The following CSMD1 variants were observed in gnomAD, a reference collection of about 807,000 sequenced individuals.
CSMD1 encodes CUB and sushi domain-containing protein 1.
Under a neutral mutation model 417.5 loss-of-function variants are expected in CSMD1, and 213 were observed. The ratio of observed to expected loss-of-function variants is 0.51; its 90% CI spans 0.46 to 0.57. The LOEUF (loss-of-function observed/expected upper bound fraction) is 0.57. Among genes scored for constraint, CSMD1 ranks in the 20% least tolerant of loss-of-function variants. The pLI is 0.00. For missense variants in CSMD1, 6,923 were observed against 4,529.7 expected (o/e 1.53, Z -15.17); for synonymous variants, 2,862 against 1,736.8 (o/e 1.65, Z -16.11).
At chr8:3,211,037 C>T (rs1446906303) in intron 30 of CSMD1, among the ~76,000 whole-genome samples, 1 of 152,038 alleles carries the variant, frequency 6.6e-6, no homozygotes, top group East Asian at 1.9e-4. Context: ...AGAATTTTTA[C>T]CCAAAATTAC....
rs1363904307 is a variant in CSMD1, at chr8:3,929,543, TTGTC to T, written c.818+68356_818+68359del. Among the ~76,000 whole-genome samples, 2 of 150,504 alleles carry T rather than the reference TTGTC, an allele frequency of 1.3e-5. 1 individual carries two copies. The highest frequency in any genetic ancestry group is 4.9e-5 in the African/African-American group (2 of 40,804). ...TCAACGTCCATTGGCAGGAACTGGGTTGTCTGTCTATTCTGATGGAATGATTTCA... is the reference window on the plus strand; with the variant it reads ...TCAACGTCCATTGGCAGGAACTGGGTTGTCTATTCTGATGGAATGATTTCA... On this transcript the variant is annotated intron_variant, in intron 5 of 69. Transcript: ENST00000635120.
chr8:3,703,488 A>G (rs1461160924), intron 7 of CSMD1, among the ~76,000 whole-genome samples: 1 of 150,334 alleles, frequency 6.7e-6, no homozygotes, highest in African/African-American at 2.5e-5. Flanking sequence ...TCATCAGTAG[A>G]TACTGGTTGT....
chr8:3,897,462 T>C (rs759747966), intron 5 of CSMD1, among the ~76,000 whole-genome samples: 3 of 152,168 alleles, frequency 2.0e-5, no homozygotes, highest in Non-Finnish European at 2.9e-5. Flanking sequence ...AAGTCATGCA[T>C]ATATAAACTA....
At chr8:3,196,318 C>G (rs895851725) in intron 33 of CSMD1, among the ~76,000 whole-genome samples, 1 of 152,126 alleles carries the variant, frequency 6.6e-6, no homozygotes, top group African/African-American at 2.4e-5. Context: ...TAATCCATCC[C>G]TCATTTAGCA....
intron 5 of CSMD1, among the ~76,000 whole-genome samples, chr8:3,764,003 A>C (rs1220026631): frequency 6.6e-6 from 1 of 152,118 alleles, no homozygotes; most frequent in East Asian, 1.9e-4. Flanking sequence ...GTTTGTCATG[A>C]AGCTCCTCAG....
chr8:4,399,761 A>G (rs1339393789), intron 3 of CSMD1, among the ~76,000 whole-genome samples: 2 of 152,152 alleles, frequency 1.3e-5, no homozygotes, highest in African/African-American at 2.4e-5. Context: ...AGGCTCCTGA[A>G]TTTTCCTCAT....
At chr8:3,767,544 T>C (rs1450652216) in intron 5 of CSMD1, among the ~76,000 whole-genome samples, 4 of 152,334 alleles carry the variant, frequency 2.6e-5, no homozygotes, top group Middle Eastern at 3.4e-3. Context: ...CTTTATCCCA[T>C]AACATCCAAA....
At chr8:4,926,108 CAT>C in intron 1 of CSMD1, among the ~76,000 whole-genome samples, 1 of 152,112 alleles carries the variant, frequency 6.6e-6, no homozygotes, top group Non-Finnish European at 1.5e-5. Context: ...ATTAAAAGAA[CAT>C]ATTTTATCAA....
chr8:4,936,175 T>A (rs537116109), intron 1 of CSMD1, among the ~76,000 whole-genome samples: 1 of 152,210 alleles, frequency 6.6e-6, no homozygotes, highest in Admixed American at 6.5e-5. Flanking sequence ...GAAAATCACA[T>A]TAAGTTGAGA....
In CSMD1 at chr8:3,187,960, T is replaced by C. The variant is rs893727876; in HGVS notation, c.5529A>G (p.Gln1843=). The change falls in exon 36 of 70, where the codon CAA becomes CAG. Residue 1843 remains glutamine, a synonymous_variant. Transcript: ENST00000635120. ...IVTEGSGIQI[Q]VISFATEQNW... ...TCTGCTCCGTGGCAAAACTGATCAC[T>C]TGGATCTACCAAACCATGACATTAA... The C allele has an allele frequency of 1.2e-6, 2 of 1,612,474 alleles. No homozygotes were observed. The highest frequency in any genetic ancestry group is 1.3e-5 in the African/African-American group (1 of 74,736).
At chr8:3,216,721 G>C (rs887816292) in intron 29 of CSMD1, among the ~76,000 whole-genome samples, 5 of 152,196 alleles carry the variant, frequency 3.3e-5, no homozygotes, top group Non-Finnish European at 7.3e-5. Context: ...GGTGTATTTT[G>C]TGTTGTCCGT....
At chr8:3,987,274 T>C (rs1360850517) in intron 5 of CSMD1, among the ~76,000 whole-genome samples, 1 of 152,184 alleles carries the variant, frequency 6.6e-6, no homozygotes, top group Non-Finnish European at 1.5e-5. Context: ...CAGCCCAGTG[T>C]TTCTGTAACA....
intron 50 of CSMD1, among the ~76,000 whole-genome samples, chr8:3,045,220 A>T (rs534787192): frequency 4.1e-4 from 63 of 152,322 alleles, no homozygotes; most frequent in African/African-American, 1.4e-3. Context: ...ATGTTACTGA[A>T]CATATCATAG....
intron 49 of CSMD1, among the ~76,000 whole-genome samples, chr8:3,060,379 C>A (rs1278844704): frequency 6.6e-6 from 1 of 151,914 alleles, no homozygotes; most frequent in Non-Finnish European, 1.5e-5. Flanking sequence ...CTCCTGAACT[C>A]CTTGAACTCC....
At chr8:4,046,957 T>C (rs1001100233) in intron 3 of CSMD1, among the ~76,000 whole-genome samples, 1 of 152,286 alleles carries the variant, frequency 6.6e-6, no homozygotes, top group African/African-American at 2.4e-5. Context: ...TCCACCTTTG[T>C]CTCAGATCTC....
Position 3,284,282 on chromosome 8 carries a change from C to A in CSMD1, c.4015G>T (p.Val1339Leu). The change falls in exon 26 of 70, where the codon GTG (valine) becomes TTG (leucine). Residue 1339 changes from valine to leucine, a missense_variant. Physicochemically the swap from Val to Leu is conservative, Grantham distance 32 (BLOSUM62 1). Coordinates refer to ENST00000635120, the MANE Select transcript of CSMD1 (RefSeq NM_033225.6). ...TCCTTCAGCAGGATGTCACTGTCCA[C>A]CGGCCCGTCCCAGACCTTGAGGATG... ...HDILKVWDGP[V>L]DSDILLKEWS... The A allele has an allele frequency of 6.2e-7, 1 of 1,613,970 alleles. No individual in the cohort carries two copies. Among genetic ancestry groups the A allele is most frequent in the East Asian group, 2.2e-5 (1 of 44,868 alleles).
At chr8:4,191,995 A>C (rs1799060108) in intron 3 of CSMD1, among the ~76,000 whole-genome samples, 1 of 152,162 alleles carries the variant, frequency 6.6e-6, no homozygotes, top group African/African-American at 2.4e-5. Context: ...TAAGGATTTC[A>C]CTCGAAATAT....
chr8:3,246,429 C>T (rs978269978), intron 26 of CSMD1, among the ~76,000 whole-genome samples: 9 of 152,226 alleles, frequency 5.9e-5, no homozygotes, highest in African/African-American at 2.2e-4. Context: ...ATATTAAACT[C>T]TTCTATTCTC....
rs76847621 is a variant in CSMD1, at chr8:4,489,899, C to T, written c.303-69834G>A. On this transcript the variant is annotated intron_variant, in intron 2 of 69. Coordinates refer to ENST00000635120, the MANE Select transcript of CSMD1 (RefSeq NM_033225.6). The stretch of plus-strand genomic sequence containing the variant: ...TGCCCAGACTACGACCCACAGACAC[C>T]GTGAGATCATTCATTCATGCTGCTT... 5.5e-3 allele frequency among the ~76,000 whole-genome samples: 833 copies of T among 152,258 alleles called. 5 individuals carry two copies. Among genetic ancestry groups the T allele is most frequent in the African/African-American group, 0.018 (764 of 41,548 alleles).
Sources: allele counts gnomAD v4.1 joint callset (sites outside exome capture counted in the v4.1 genomes callset), GRCh38; gene constraint gnomAD v4.1.1; transcripts MANE v1.5; gene names NCBI Gene and HGNC (gene_info 2026-07-23, HGNC 2026-07-21).